Variants in CXADR observed in about 807,000 individuals in gnomAD.
The protein encoded by CXADR is CXADR cell adhesion molecule.
Under a neutral mutation model 40.3 loss-of-function variants are expected in CXADR, and 20 were observed. The observed-to-expected ratio is 0.50, with a 90% confidence interval of 0.35 to 0.72. CXADR has a LOEUF of 0.72. Among genes scored for constraint, CXADR ranks in the 30% least tolerant of loss-of-function variants. CXADR has a pLI of 0.01. For missense variants in CXADR, 332 were observed against 449.1 expected (o/e 0.74, Z 2.36); for synonymous variants, 150 against 161.3 (o/e 0.93, Z 0.53).
chr21:17,538,855 A>C (rs2060792876), intron 1 of CXADR, among the ~76,000 whole-genome samples: 1 of 151,824 alleles, frequency 6.6e-6, no homozygotes, highest in African/African-American at 2.4e-5. Context: ...TATAGAGAAC[A>C]CTCTGGGTGA....
At chr21:17,607,991 G>A in the CXADR span, among the ~76,000 whole-genome samples, 1 of 152,132 alleles carries the variant, frequency 6.6e-6, no homozygotes, top group Non-Finnish European at 1.5e-5. Flanking sequence ...AATTACCTTC[G>A]TTCTCAGTGC....
At chr21:17,625,747 C>A in the CXADR span, among the ~76,000 whole-genome samples, 1 of 152,192 alleles carries the variant, frequency 6.6e-6, no homozygotes, top group Non-Finnish European at 1.5e-5. Flanking sequence ...TACATTTCCT[C>A]GTTTAATTAT....
chr21:17,604,271 T>TC, the CXADR span: 14 of 304,710 alleles, frequency 4.6e-5, no homozygotes, highest in Non-Finnish European at 7.0e-5. Context: ...TGAAACCCCA[T>TC]CTCTACTACA....
At chr21:17,558,913 G>A in intron 3 of CXADR, 63 bp from the exon 4 acceptor site, 5 of 1,507,092 alleles carry the variant, frequency 3.3e-6, no homozygotes, top group Non-Finnish European at 4.5e-6. Flanking sequence ...TGTGTACAAT[G>A]CTGTATTCAT....
downstream of CXADR, among the ~76,000 whole-genome samples, chr21:17,597,502 A>G (rs566385482): frequency 8.4e-4 from 127 of 152,080 alleles, no homozygotes; most frequent in African/African-American, 3.0e-3. Context: ...AAAAAAAAGA[A>G]AAAAAAACCT....
intron 7 of CXADR, among the ~76,000 whole-genome samples, chr21:17,581,603 G>A (rs1422945836): frequency 6.6e-6 from 1 of 152,104 alleles, no homozygotes; most frequent in Non-Finnish European, 1.5e-5. Flanking sequence ...CAGCACTTTG[G>A]GAGGCTGAGG....
chr21:17,628,022 C>G, the CXADR span, among the ~76,000 whole-genome samples: 1 of 152,110 alleles, frequency 6.6e-6, no homozygotes, highest in Admixed American at 6.5e-5. Context: ...TCAACTTTTC[C>G]TTTTCTCAAA....
chr21:17,613,390 C>T, the CXADR span: 1 of 152,616 alleles, frequency 6.6e-6, no homozygotes, highest in African/African-American at 2.4e-5. Context: ...GGAAGGGGAA[C>T]TTGGCATTTA....
intron 3 of CXADR, 146 bp from the exon 4 acceptor site, chr21:17,558,829 GT>G (rs1200018130): frequency 1.3e-6 from 1 of 752,170 alleles, no homozygotes; most frequent in African/African-American, 1.8e-5. Context: ...ATAAACTGAT[GT>G]TGATCACTTA....
intron 1 of CXADR, among the ~76,000 whole-genome samples, chr21:17,517,874 A>G (rs2060480603): frequency 6.6e-6 from 1 of 152,196 alleles, no homozygotes; most frequent in Non-Finnish European, 1.5e-5. Context: ...CAAGCTAGTA[A>G]AAGAAGTTCT....
downstream of CXADR, among the ~76,000 whole-genome samples, chr21:17,571,958 G>C (rs1228019070): frequency 2.0e-5 from 3 of 152,136 alleles, no homozygotes; most frequent in African/African-American, 7.2e-5. Context: ...AAATTGCTCA[G>C]TAAATGCTGA....
chr21:17,517,330 C>A (rs1257268650), intron 1 of CXADR, among the ~76,000 whole-genome samples: 1 of 152,074 alleles, frequency 6.6e-6, no homozygotes, highest in Non-Finnish European at 1.5e-5. Context: ...CAGTGCTCCC[C>A]CCAAAGCATT....
downstream of CXADR, chr21:17,570,188 A>G (rs117984518): frequency 2.4e-4 from 233 of 985,230 alleles, 1 homozygote; most frequent in East Asian, 0.021. Context: ...TTGCTGTGTC[A>G]TGGTTTCCTT....
the CXADR span, among the ~76,000 whole-genome samples, chr21:17,634,742 T>C: frequency 5.3e-5 from 8 of 152,326 alleles, no homozygotes; most frequent in East Asian, 1.5e-3. Context: ...AACTTTAATT[T>C]TTAATTTTTA....
At chr21:17,610,458 T>C in the CXADR span, among the ~76,000 whole-genome samples, 1 of 152,190 alleles carries the variant, frequency 6.6e-6, no homozygotes, top group Non-Finnish European at 1.5e-5. Flanking sequence ...TCAGGACATA[T>C]TTAAGAAATG....
At position 17,566,875 on chromosome 21, in the gene CXADR, CTG is replaced by C. The variant is rs1320629765; in HGVS notation, c.*1187_*1188del. The C allele has an allele frequency of 5.1e-6, 5 of 983,160 alleles. No homozygotes were observed. The highest frequency in any genetic ancestry group is 6.0e-6 in the Non-Finnish European group (5 of 829,136). 60.9% of individuals were successfully genotyped at this position (983,160 alleles called of 1,614,324 possible). A position where few individuals can be genotyped will look rare whatever the true frequency, so the allele number is the denominator to read the frequency against. On this transcript the variant is annotated 3_prime_UTR_variant, in exon 7 of 7. Coordinates refer to ENST00000284878, the MANE Select transcript of CXADR (RefSeq NM_001338.5). ...TGCTGTTGTGTGATCAAACATGTCTCTGTGTAGTTCCAGCAAATCAAGCTGAG... is the reference window on the plus strand; with the variant it reads ...TGCTGTTGTGTGATCAAACATGTCTCTGTAGTTCCAGCAAATCAAGCTGAG...
At chr21:17,515,730 C>T (rs1163127807) in intron 1 of CXADR, among the ~76,000 whole-genome samples, 1 of 151,472 alleles carries the variant, frequency 6.6e-6, no homozygotes, top group Non-Finnish European at 1.5e-5. Flanking sequence ...GGCGTGAACC[C>T]GGGAGGCGTA....
Position 17,569,080 on chromosome 21 carries a change from T to C in CXADR, c.*3388T>C. ...CCTTTTGATGAAATATAAAAGGAAC[T>C]CATTGCATGAAGTTGACTATCAAAT... is the stretch of plus-strand genomic sequence containing the variant. On this transcript the variant is annotated 3_prime_UTR_variant, in exon 7 of 7. Coordinates refer to ENST00000284878, the MANE Select transcript of CXADR (RefSeq NM_001338.5). 1.0e-6 allele frequency: 1 copy of C among 985,434 alleles called. No homozygotes were observed. The highest frequency in any genetic ancestry group is 1.1e-4 in the East Asian group (1 of 8,824). The allele number at this position is 985,434 out of a possible 1,614,324, so 61.0% of individuals were successfully genotyped here.
At chr21:17,535,757 A>C (rs1234204737) in intron 1 of CXADR, among the ~76,000 whole-genome samples, 4 of 152,220 alleles carry the variant, frequency 2.6e-5, no homozygotes, top group Non-Finnish European at 5.9e-5. Context: ...CTGTACTCCC[A>C]GCATTTTGAT....
Sources: gnomAD v4.1 joint callset for allele counts (sites outside exome capture counted in the v4.1 genomes callset) on GRCh38, gnomAD v4.1.1 for gene constraint, MANE v1.5 for transcripts, NCBI Gene and HGNC (gene_info 2026-07-23, HGNC 2026-07-21) for gene names.